ROCK2: variants seen among roughly 807,000 people sequenced by gnomAD.
ROCK2 encodes rho-associated protein kinase 2.
A neutral mutation model predicts 195.1 loss-of-function variants in ROCK2; 61 were observed. The ratio of observed to expected loss-of-function variants is 0.31; its 90% CI spans 0.25 to 0.39. The LOEUF (loss-of-function observed/expected upper bound fraction) is 0.39, where lower values mean the gene tolerates loss of function less well. Ranked by LOEUF, ROCK2 falls within the 10% of genes least tolerant of loss-of-function variation. ROCK2 has a pLI of 1.00. For synonymous variants in ROCK2, 504 were observed against 545.5 expected (o/e 0.92, Z 1.06); for missense variants, 1,109 against 1,637.4 (o/e 0.68, Z 5.57).
intron 20 of ROCK2, among the ~76,000 whole-genome samples, chr2:11,207,301 T>A (rs1012341494): frequency 6.6e-6 from 1 of 152,160 alleles, no homozygotes; most frequent in Admixed American, 6.5e-5. Flanking sequence ...TATAAGTAAA[T>A]CAAGTAGACA....
chr2:11,235,800 C>A lies in ROCK2; in HGVS notation c.625G>T (p.Gly209Cys). Residue 209 changes from glycine (G) to cysteine (C), a missense_variant, in exon 5 of 33, where the codon GGT becomes TGT. Gly to Cys is a radical substitution (Grantham distance 159). This residue lies in a region of ROCK2 where 253 missense variants were observed against 455.5 expected (regional missense o/e 0.56). Transcript: ENST00000315872. This position sits in a 1 kb window ranked among gnomAD's most constrained non-coding sequence, Gnocchi z 4.2. ...GGCTTCACATCTCTGTGTATTAAAC[C>A]CATGGAGTGTATTGCATCCAGAGCA... ...VLALDAIHSM[G>C]LIHRDVKPDN... 1 of 1,613,840 alleles carries A rather than the reference C, an allele frequency of 6.2e-7. No individual in the cohort carries two copies. Among genetic ancestry groups the A allele is most frequent in the Non-Finnish European group, 8.5e-7 (1 of 1,179,910 alleles).
chr2:11,302,507 G>A (rs1667739682), intron 1 of ROCK2, among the ~76,000 whole-genome samples: 1 of 152,016 alleles, frequency 6.6e-6, no homozygotes, highest in South Asian at 2.1e-4. Flanking sequence ...GTCTAAACTA[G>A]CATTTGGAAT....
chr2:11,287,270 AT>A (rs1667229409), intron 2 of ROCK2, among the ~76,000 whole-genome samples: 1 of 152,216 alleles, frequency 6.6e-6, no homozygotes, highest in South Asian at 2.1e-4. Context: ...TAATAGTTAC[AT>A]TATTTATTAT....
intron 3 of ROCK2, among the ~76,000 whole-genome samples, chr2:11,263,918 T>C (rs1396474880): frequency 6.7e-6 from 1 of 148,966 alleles, no homozygotes; most frequent in Non-Finnish European, 1.5e-5. Context: ...TCAGATCAGA[T>C]GTAGAATTCC....
At chr2:11,266,994 TTTC>T (rs1272528365) in intron 3 of ROCK2, among the ~76,000 whole-genome samples, 2 of 152,178 alleles carry the variant, frequency 1.3e-5, no homozygotes, top group African/African-American at 2.4e-5. Context: ...CATCTTCCTT[TTTC>T]TTCTCTTTCC....
chr2:11,300,205 C>T (rs765788612), intron 1 of ROCK2, among the ~76,000 whole-genome samples: 8 of 152,146 alleles, frequency 5.3e-5, no homozygotes, highest in Non-Finnish European at 1.2e-4. Flanking sequence ...GCAATAACAG[C>T]ACCTTAAGTA....
intron 1 of ROCK2, among the ~76,000 whole-genome samples, chr2:11,330,740 G>GGGAGGAGGGAGGAGGAGGAGGGAGGA (rs1402114162): frequency 1.2e-4 from 5 of 43,286 alleles, no homozygotes; most frequent in East Asian, 2.5e-3. Context: ...AAGATGAGGA[G>GGGAGGAGGGAGGAGGAGGAGGGAGGA]GGAGGAGGGA....
intron 4 of ROCK2, among the ~76,000 whole-genome samples, chr2:11,239,764 A>C (rs578143609): frequency 2.6e-4 from 40 of 152,348 alleles, no homozygotes; most frequent in Middle Eastern, 6.8e-3. Flanking sequence ...TGAAGAGCTC[A>C]GTCTTCTACA....
chr2:11,272,305 C>CTCA (rs1308666890), intron 3 of ROCK2, among the ~76,000 whole-genome samples: 1 of 152,120 alleles, frequency 6.6e-6, no homozygotes, highest in Non-Finnish European at 1.5e-5. Context: ...AAATAAAAAT[C>CTCA]TCAATAAAGG....
Position 11,211,853 on chromosome 2 carries a change from T to A in ROCK2, c.2044-13A>T. ...TGTTGCTTTTTTCCTATTAAATATT[T>A]AAAATGCAGCTATCAACAAAAAAGA... On this transcript the variant is annotated splice_polypyrimidine_tract_variant and intron_variant, in intron 17 of 32. Coordinates refer to ENST00000315872, the MANE Select transcript of ROCK2 (RefSeq NM_004850.5). 6.4e-7 allele frequency: 1 copy of A among 1,558,276 alleles called. No individual in the cohort carries two copies. The highest frequency in any genetic ancestry group is 8.7e-7 in the Non-Finnish European group (1 of 1,155,444).
intron 3 of ROCK2, among the ~76,000 whole-genome samples, chr2:11,285,780 T>C (rs1017452863): frequency 1.3e-5 from 2 of 152,170 alleles, no homozygotes; most frequent in South Asian, 4.2e-4. Flanking sequence ...TGAGCCAAGA[T>C]TGTGCCACTG....
At chr2:11,207,630 A>G (rs964431553) in intron 20 of ROCK2, 96 bp downstream of exon 20, 6 of 905,940 alleles carry the variant, frequency 6.6e-6, no homozygotes, top group Non-Finnish European at 9.7e-6. Flanking sequence ...CATGGTCTAG[A>G]AAGTAAAATG....
At chr2:11,277,429 C>G (rs959227729) in intron 3 of ROCK2, among the ~76,000 whole-genome samples, 1 of 63,728 alleles carries the variant, frequency 1.6e-5, no homozygotes, top group Non-Finnish European at 4.4e-5. Context: ...GTGCACCCAT[C>G]CCCCAAGAGT....
chr2:11,268,909 A>T (rs2148161213), intron 3 of ROCK2, among the ~76,000 whole-genome samples: 1 of 152,218 alleles, frequency 6.6e-6, no homozygotes, highest in South Asian at 2.1e-4. Context: ...TTCTATTTGA[A>T]TGTGTCCTAC....
intron 3 of ROCK2, among the ~76,000 whole-genome samples, chr2:11,250,786 C>G (rs1388609274): frequency 1.3e-5 from 2 of 152,188 alleles, no homozygotes; most frequent in Non-Finnish European, 2.9e-5. Flanking sequence ...TCCACTGATA[C>G]CACCCTGGTT....
chr2:11,324,132 G>A (rs1429918040), intron 1 of ROCK2, among the ~76,000 whole-genome samples: 2 of 152,164 alleles, frequency 1.3e-5, no homozygotes, highest in Non-Finnish European at 2.9e-5. Flanking sequence ...GTATTTACCT[G>A]AAGGAGTTAA....
intron 1 of ROCK2, among the ~76,000 whole-genome samples, chr2:11,295,786 G>A (rs549001032): frequency 6.6e-6 from 1 of 151,952 alleles, no homozygotes; most frequent in East Asian, 1.9e-4. Context: ...GTGAAACCCC[G>A]TCTCTACTAA....
chr2:11,319,224 T>C (rs1668324868), intron 1 of ROCK2, among the ~76,000 whole-genome samples: 1 of 152,240 alleles, frequency 6.6e-6, no homozygotes. Flanking sequence ...TATTGATTCT[T>C]CCTATCCATA....
chr2:11,207,261 T>C (rs1664086414), intron 20 of ROCK2, among the ~76,000 whole-genome samples: 1 of 152,200 alleles, frequency 6.6e-6, no homozygotes, highest in South Asian at 2.1e-4. Context: ...ATAATATTTT[T>C]AAAGTATTTT....
Sources: gnomAD v4.1 joint callset for allele counts (sites outside exome capture counted in the v4.1 genomes callset) on GRCh38, gnomAD v4.1.1 for gene constraint, gnomAD v4.1.1 regional missense constraint, Gnocchi (gnomAD v3.1) non-coding constraint, MANE v1.5 for transcripts, NCBI Gene and HGNC (gene_info 2026-07-23, HGNC 2026-07-21) for gene names.